DAPK2: variants seen among roughly 807,000 people sequenced by gnomAD.
DAPK2 encodes the protein death associated protein kinase 2, also known as death-associated protein kinase 2.
A neutral mutation model predicts 44.1 loss-of-function variants in DAPK2; 35 were observed. The observed-to-expected ratio is 0.79, with a 90% CI of 0.61 to 1.05. The LOEUF (loss-of-function observed/expected upper bound fraction) is 1.05, where lower values mean the gene tolerates loss of function less well. DAPK2 is among the 50% of genes least tolerant of loss of function. The probability of loss-of-function intolerance (pLI) is 0.00; values close to 1 mark genes in which losing one functional copy is unlikely to be tolerated. For synonymous variants in DAPK2, 174 were observed against 182.6 expected (o/e 0.95, Z 0.38); for missense variants, 453 against 483.2 (o/e 0.94, Z 0.59).
At chr15:63,958,469 G>C (rs1595798985) in intron 3 of DAPK2, among the ~76,000 whole-genome samples, 2 of 152,250 alleles carry the variant, frequency 1.3e-5, no homozygotes, top group East Asian at 3.8e-4. Context: ...TTTTCTTCTA[G>C]GGTTTTTATG....
intron 1 of DAPK2, among the ~76,000 whole-genome samples, chr15:63,986,097 G>A (rs1034476182): frequency 3.3e-5 from 5 of 152,240 alleles, no homozygotes. Context: ...GAGCCTCAGA[G>A]GGAGCCAAGG....
intron 1 of DAPK2, chr15:63,991,260 A>T: frequency 2.2e-6 from 1 of 456,350 alleles, no homozygotes; most frequent in Non-Finnish European, 4.4e-6. Context: ...TGGGAACTAG[A>T]TGGGCATGAC....
chr15:63,909,326 C>CA (rs1438857178), intron 10 of DAPK2: 3 of 148,434 alleles, frequency 2.0e-5, no homozygotes, highest in Admixed American at 6.6e-5. Flanking sequence ...AAGGACCTAT[C>CA]ATTACTCTTT....
intron 3 of DAPK2, among the ~76,000 whole-genome samples, chr15:63,948,175 G>A (rs2077496311): frequency 7.0e-6 from 1 of 142,576 alleles, no homozygotes; most frequent in Non-Finnish European, 1.5e-5. Flanking sequence ...AGAGGCTGAG[G>A]TAGGAGAATC....
chr15:64,046,284 C>CG lies in DAPK2; in HGVS notation c.-7+13dup, dbSNP rs2080460867. On this transcript the variant is annotated intron_variant, in intron 1 of 11. Transcript: ENST00000457488. This position sits in a 1 kb window ranked among gnomAD's most constrained non-coding sequence, Gnocchi z 5.3. ...CCGTCCCGCCCATCGAGCCCGCAGACGGGTGCTACTCACGGCGGGAGGCTG... is the reference window on the plus strand; with the variant it reads ...CCGTCCCGCCCATCGAGCCCGCAGACGGGGTGCTACTCACGGCGGGAGGCTG... The CG allele has an allele frequency of 3.1e-6, 3 of 977,928 alleles. No individual in the cohort carries two copies. 60.6% of individuals were successfully genotyped at this position (977,928 alleles called of 1,614,324 possible).
At chr15:63,949,744 G>C (rs142712954) in intron 3 of DAPK2, among the ~76,000 whole-genome samples, 1 of 152,180 alleles carries the variant, frequency 6.6e-6, no homozygotes, top group African/African-American at 2.4e-5. Flanking sequence ...CCATCCTTAG[G>C]TAGATAGGAG....
intron 3 of DAPK2, among the ~76,000 whole-genome samples, chr15:63,963,476 G>GT (rs1223949156): frequency 1.3e-5 from 2 of 152,114 alleles, no homozygotes; most frequent in Non-Finnish European, 2.9e-5. Context: ...CCTCTTAACT[G>GT]TTTTTTGTTT....
chr15:63,914,865 A>G (rs146165407), intron 8 of DAPK2, among the ~76,000 whole-genome samples: 1 of 152,278 alleles, frequency 6.6e-6, no homozygotes, highest in African/African-American at 2.4e-5. Flanking sequence ...TAGCAAGCCA[A>G]CTTCCCCCAT....
At chr15:63,957,457 T>C (rs2077758566) in intron 3 of DAPK2, among the ~76,000 whole-genome samples, 1 of 151,852 alleles carries the variant, frequency 6.6e-6, no homozygotes, top group African/African-American at 2.4e-5. Context: ...GCTGCACCCG[T>C]TAACTCGTCA....
At chr15:63,947,965 G>A (rs915235512) in intron 3 of DAPK2, among the ~76,000 whole-genome samples, 2 of 151,968 alleles carry the variant, frequency 1.3e-5, no homozygotes, top group African/African-American at 2.4e-5. Context: ...GTCCATTCTC[G>A]AATTGCTGTA....
rs1239643879 is a variant in DAPK2 at position 63,908,011 on chromosome 15, T to G, written c.*509A>C. The G allele has an allele frequency of 1.3e-5, 2 of 152,416 alleles. No individual in the cohort carries two copies. The highest frequency in any genetic ancestry group is 4.8e-5 in the African/African-American group (2 of 41,462). The allele number at this position is 152,416 out of a possible 1,614,324, so 9.4% of individuals were successfully genotyped here. A position where few individuals can be genotyped will look rare whatever the true frequency, so the allele number is the denominator to read the frequency against. ...TGCTTCAGAAGGTCTGAGGTGTTGGTCAGCCTGACGTCCTGGCTTCCATGG... is the reference window on the plus strand; with the variant it reads ...TGCTTCAGAAGGTCTGAGGTGTTGGGCAGCCTGACGTCCTGGCTTCCATGG... On this transcript the variant is annotated 3_prime_UTR_variant, in exon 11 of 11. Coordinates refer to ENST00000261891, the Ensembl canonical transcript of DAPK2. The surrounding 1 kb of genome is among the most constrained non-coding windows in gnomAD (Gnocchi z 5.7).
At chr15:64,018,710 C>T (rs936806465) in intron 1 of DAPK2, among the ~76,000 whole-genome samples, 1 of 152,234 alleles carries the variant, frequency 6.6e-6, no homozygotes. Context: ...AGCTACTCGC[C>T]CAGCTTTTAC....
At chr15:64,024,316 C>T (rs1212206055) in intron 1 of DAPK2, among the ~76,000 whole-genome samples, 1 of 152,138 alleles carries the variant, frequency 6.6e-6, no homozygotes, top group Non-Finnish European at 1.5e-5. Flanking sequence ...GAAAGTGATC[C>T]TCGAGTTGCA....
intron 1 of DAPK2, among the ~76,000 whole-genome samples, chr15:64,035,334 C>G (rs2141175846): frequency 6.6e-6 from 1 of 152,274 alleles, no homozygotes; most frequent in East Asian, 1.9e-4. Context: ...CTACTAGCAC[C>G]CTCCTCCTGG....
intron 2 of DAPK2, among the ~76,000 whole-genome samples, chr15:63,972,984 G>C (rs1159385490): frequency 6.6e-6 from 1 of 152,232 alleles, no homozygotes; most frequent in African/African-American, 2.4e-5. Flanking sequence ...GACAATGGAA[G>C]AATAACCCTG....
At chr15:63,947,537 G>A (rs898851788) in intron 3 of DAPK2, among the ~76,000 whole-genome samples, 5 of 152,116 alleles carry the variant, frequency 3.3e-5, no homozygotes, top group Admixed American at 6.5e-5. Context: ...ATCTGGGTTC[G>A]GATCCCAGCT....
At chr15:63,940,768 T>C (rs1477081928) in intron 3 of DAPK2, among the ~76,000 whole-genome samples, 10 of 152,182 alleles carry the variant, frequency 6.6e-5, no homozygotes, top group African/African-American at 2.4e-4. Context: ...AATGAAGTAC[T>C]GATACCTGCT....
chr15:63,967,865 C>T (rs1162649601), intron 3 of DAPK2, among the ~76,000 whole-genome samples: 1 of 152,032 alleles, frequency 6.6e-6, no homozygotes, highest in Non-Finnish European at 1.5e-5. Flanking sequence ...GAGAGTGAAC[C>T]CTCTTCTATT....
At chr15:64,030,928 T>A (rs569996610) in intron 1 of DAPK2, among the ~76,000 whole-genome samples, 1 of 150,364 alleles carries the variant, frequency 6.7e-6, no homozygotes, top group African/African-American at 2.5e-5. Context: ...GGTTGCGCCA[T>A]TGCATTCCAG....
Sources: allele counts gnomAD v4.1 joint callset (sites outside exome capture counted in the v4.1 genomes callset), GRCh38; gene constraint gnomAD v4.1.1; non-coding constraint Gnocchi (gnomAD v3.1); transcripts MANE v1.5; gene names NCBI Gene and HGNC (gene_info 2026-07-23, HGNC 2026-07-21).